EDDM13: variants seen among roughly 807,000 people sequenced by gnomAD.
The protein encoded by EDDM13 is epididymal protein 13.
Under a neutral mutation model 17.8 loss-of-function variants are expected in EDDM13, and 24 were observed. That is an observed-to-expected ratio of 1.35 (90% CI 0.98 to 1.90). EDDM13 has a LOEUF of 1.90. Among genes scored for constraint, EDDM13 ranks in the 40% most tolerant of loss-of-function variants. The probability of loss-of-function intolerance (pLI) is 0.00; values close to 1 mark genes in which losing one functional copy is unlikely to be tolerated. For missense variants in EDDM13, 97 were observed against 100.8 expected (o/e 0.96, Z 0.16); for synonymous variants, 31 against 37.5 (o/e 0.83, Z 0.63).
chr19:56,302,545 G>GTCCCTCCCTCCCTCCCCCCTTCCTTTTC (rs2040355096), intron 13 of EDDM13, among the ~76,000 whole-genome samples: 1 of 21,590 alleles, frequency 4.6e-5, no homozygotes, highest in Non-Finnish European at 9.7e-5. Context: ...CTTCCTCCCC[G>GTCCCTCCCTCCCTCCCCCCTTCCTTTTC]TTCCTCCCTC....
chr19:56,275,373 A>G (rs1194323149), intron 1 of EDDM13, among the ~76,000 whole-genome samples: 1 of 152,124 alleles, frequency 6.6e-6, no homozygotes, highest in Non-Finnish European at 1.5e-5. Context: ...GGAAAAGCTG[A>G]CTTTTCTTCT....
chr19:56,287,936 G>A (rs149212348), intron 6 of EDDM13, among the ~76,000 whole-genome samples: 77 of 152,342 alleles, frequency 5.1e-4, no homozygotes, highest in African/African-American at 1.4e-3. Flanking sequence ...TCCAGTGTTA[G>A]CTCTGAAACT....
intron 2 of EDDM13, among the ~76,000 whole-genome samples, chr19:56,278,778 C>T (rs2038455487): frequency 6.6e-6 from 1 of 152,130 alleles, no homozygotes; most frequent in Non-Finnish European, 1.5e-5. Context: ...GCTCAGGGAG[C>T]TGTTGGTTCA....
intron 12 of EDDM13, chr19:56,297,971 A>G (rs1348004896): frequency 6.6e-6 from 1 of 150,716 alleles, no homozygotes; most frequent in African/African-American, 2.4e-5. Flanking sequence ...GCTACCCGGG[A>G]GGCTGAGGCA....
intron 12 of EDDM13, among the ~76,000 whole-genome samples, chr19:56,301,124 G>T (rs1400013840): frequency 6.6e-6 from 1 of 152,168 alleles, no homozygotes; most frequent in African/African-American, 2.4e-5. Context: ...GTGCAAGAAA[G>T]AATTTGAGGC....
chr19:56,309,659 CTGAG>C (rs2040908232), intron 14 of EDDM13, among the ~76,000 whole-genome samples: 1 of 152,186 alleles, frequency 6.6e-6, no homozygotes, highest in African/African-American at 2.4e-5. Context: ...TCCTGCAACT[CTGAG>C]TGACTCCAGC....
chr19:56,286,973 C>T (rs972401816), intron 6 of EDDM13, among the ~76,000 whole-genome samples: 6 of 152,252 alleles, frequency 3.9e-5, no homozygotes, highest in Non-Finnish European at 7.3e-5. Context: ...ATTCACAGCA[C>T]GCACTGCACA....
chr19:56,274,265 C>T (rs912803105), intron 1 of EDDM13, among the ~76,000 whole-genome samples: 1 of 152,006 alleles, frequency 6.6e-6, no homozygotes, highest in Non-Finnish European at 1.5e-5. Context: ...ACCAGCCTGG[C>T]CAACATGGCG....
intron 9 of EDDM13, among the ~76,000 whole-genome samples, chr19:56,295,578 G>A (rs1368400882): frequency 1.3e-5 from 2 of 152,098 alleles, no homozygotes; most frequent in African/African-American, 2.4e-5. Context: ...CTGGGCAACA[G>A]AGCAAGACTC....
At chr19:56,298,548 G>A (rs576201568) in intron 12 of EDDM13, among the ~76,000 whole-genome samples, 127 of 152,068 alleles carry the variant, frequency 8.4e-4, no homozygotes, top group South Asian at 5.4e-3. Flanking sequence ...AGCTACTCGG[G>A]AGGCTGAGGC....
At chr19:56,278,156 C>T (rs1303063313) in intron 2 of EDDM13, among the ~76,000 whole-genome samples, 1 of 149,750 alleles carries the variant, frequency 6.7e-6, no homozygotes, top group African/African-American at 2.5e-5. Context: ...TAGTCTTGCT[C>T]TGTCGCCCAG....
chr19:56,295,590 G>A (rs992071894), intron 9 of EDDM13, among the ~76,000 whole-genome samples: 4 of 152,010 alleles, frequency 2.6e-5, no homozygotes, highest in East Asian at 1.9e-4. Flanking sequence ...GCAAGACTCC[G>A]TCTAAAAAAC....
intron 12 of EDDM13, chr19:56,298,027 A>AGCTGGGGAGGTGGAGGCTGCAG (rs1307588465): frequency 6.7e-6 from 1 of 148,620 alleles, no homozygotes; most frequent in Non-Finnish European, 1.5e-5. Context: ...GTGAGCCGTG[A>AGCTGGGGAGGTGGAGGCTGCAG]TTGTGCCACC....
chr19:56,292,539 C>G (rs1222382516), intron 9 of EDDM13, among the ~76,000 whole-genome samples: 1 of 151,612 alleles, frequency 6.6e-6, no homozygotes, highest in Non-Finnish European at 1.5e-5. Context: ...CCTCCTACCT[C>G]AGCCTCCCAA....
chr19:56,303,897 G>C (rs1357192897), intron 13 of EDDM13, among the ~76,000 whole-genome samples: 1 of 152,170 alleles, frequency 6.6e-6, no homozygotes, highest in African/African-American at 2.4e-5. Context: ...AGCAAAGCAG[G>C]CATGCACAGC....
At position 56,302,079 on chromosome 19, in the gene EDDM13, A is replaced by T; in HGVS notation, c.407A>T (p.Tyr136Phe). The T allele has an allele frequency of 8.1e-7, 1 of 1,231,822 alleles. No individual in the cohort carries two copies. The highest frequency in any genetic ancestry group is 1.0e-6 in the Non-Finnish European group (1 of 988,026). 76.3% of individuals were successfully genotyped at this position (1,231,822 alleles called of 1,614,324 possible). A position where few individuals can be genotyped will look rare whatever the true frequency, so the allele number is the denominator to read the frequency against. The change falls in exon 13 of 15, where the codon TAC becomes TTC. Residue 136 changes from tyrosine to phenylalanine, a missense_variant. Transcript: ENST00000649256. ...YMVMTYLFVS[Y>F]NKGDWCYCHY... Reference sequence around the variant, plus strand: ...GTGATGACCTACCTCTTCGTATCCTACAACAAAGGGGACTGGGTAAGAAGA... The same window carrying T: ...GTGATGACCTACCTCTTCGTATCCTTCAACAAAGGGGACTGGGTAAGAAGA...
intron 2 of EDDM13, among the ~76,000 whole-genome samples, chr19:56,277,770 G>A (rs1007736940): frequency 1.3e-5 from 2 of 152,054 alleles, no homozygotes; most frequent in East Asian, 3.8e-4. Flanking sequence ...GGGTGGCAGG[G>A]AGGTGAGGGA....
intron 6 of EDDM13, among the ~76,000 whole-genome samples, chr19:56,287,927 C>T (rs2039248304): frequency 6.6e-6 from 1 of 152,228 alleles, no homozygotes; most frequent in African/African-American, 2.4e-5. Context: ...CAGGACACTT[C>T]CAGTGTTAGC....
chr19:56,295,193 CAAGTT>C (rs1477091727), intron 9 of EDDM13: 3 of 152,108 alleles, frequency 2.0e-5, no homozygotes, highest in East Asian at 1.9e-4. Context: ...ATATACCAGT[CAAGTT>C]GTTATTAAAA....
Sources: gnomAD v4.1 joint callset for allele counts (sites outside exome capture counted in the v4.1 genomes callset) on GRCh38, gnomAD v4.1.1 for gene constraint, MANE v1.5 for transcripts, NCBI Gene and HGNC (gene_info 2026-07-23, HGNC 2026-07-21) for gene names.